Variants in PTPRG observed in about 807,000 individuals in gnomAD.
PTPRG encodes the protein protein tyrosine phosphatase receptor type G.
A neutral mutation model predicts 165.3 loss-of-function variants in PTPRG; 102 were observed. That is an observed-to-expected ratio of 0.62 (90% confidence interval 0.53 to 0.73). PTPRG has a LOEUF of 0.73. PTPRG is among the 30% of genes least tolerant of loss of function. The pLI is 0.00. For synonymous variants in PTPRG, 675 were observed against 669.5 expected (o/e 1.01, Z -0.13); for missense variants, 1,866 against 1,861.4 (o/e 1.00, Z -0.05).
intron 2 of PTPRG, among the ~76,000 whole-genome samples, chr3:61,874,689 T>A (rs2037676285): frequency 6.6e-6 from 1 of 152,168 alleles, no homozygotes; most frequent in Admixed American, 6.5e-5. Flanking sequence ...GGGAGTGTGC[T>A]GTTAACATTT....
At position 61,949,488 on chromosome 3, in the gene PTPRG, C is replaced by T. The variant is rs115746503; in HGVS notation, c.191-40137C>T. On this transcript the variant is annotated intron_variant, in intron 2 of 29. Transcript: ENST00000474889. ...ACAATTGAAGTGAGGCTTTGGGTAG[C>T]GTTTACTATGTGCCACATGCCTCAA... Among the ~76,000 whole-genome samples, 977 of 152,208 alleles carry T rather than the reference C, an allele frequency of 6.4e-3. 9 individuals are homozygous for T. Among genetic ancestry groups the T allele is most frequent in the African/African-American group, 0.022 (923 of 41,544 alleles).
chr3:61,653,890 G>C (rs539414464), intron 1 of PTPRG, among the ~76,000 whole-genome samples: 2 of 19,408 alleles, frequency 1.0e-4, no homozygotes, highest in African/African-American at 3.1e-4. Flanking sequence ...GTTGTTAAGC[G>C]GGGAGCGGTG....
At chr3:62,260,640 A>C (rs1477280023) in intron 16 of PTPRG, among the ~76,000 whole-genome samples, 2 of 152,190 alleles carry the variant, frequency 1.3e-5, no homozygotes, top group Non-Finnish European at 2.9e-5. Context: ...TGAATAGGTA[A>C]ATTTACAATG....
intron 2 of PTPRG, among the ~76,000 whole-genome samples, chr3:61,936,708 G>A (rs1448164281): frequency 3.3e-5 from 5 of 152,192 alleles, no homozygotes; most frequent in Non-Finnish European, 5.9e-5. Flanking sequence ...TCCTAACACT[G>A]TGAGGGCTTT....
chr3:62,031,870 T>A, intron 4 of PTPRG, among the ~76,000 whole-genome samples: 1 of 152,208 alleles, frequency 6.6e-6, no homozygotes, highest in East Asian at 1.9e-4. Context: ...CAGTGAGCTC[T>A]GTGGAAGTGG....
chr3:61,738,284 A>ATGTGTG (rs1559583185), intron 1 of PTPRG, among the ~76,000 whole-genome samples: 5 of 78,162 alleles, frequency 6.4e-5, no homozygotes, highest in African/African-American at 2.8e-4. Context: ...ATATACATAT[A>ATGTGTG]TATATATATA....
chr3:61,908,121 TAAAAAAAAA>T (rs1183592777), intron 2 of PTPRG, among the ~76,000 whole-genome samples: 17 of 67,186 alleles, frequency 2.5e-4, no homozygotes, highest in Admixed American at 1.1e-3. Context: ...CACCTCTCTT[TAAAAAAAAA>T]AAAAAAAAAA....
At chr3:61,971,309 A>G (rs951452149) in intron 2 of PTPRG, among the ~76,000 whole-genome samples, 1 of 151,916 alleles carries the variant, frequency 6.6e-6, no homozygotes, top group Non-Finnish European at 1.5e-5. Context: ...GCTTATCATC[A>G]TGGAAGTACT....
chr3:62,191,767 T>C, intron 9 of PTPRG, 114 bp downstream of exon 9: 1 of 1,095,684 alleles, frequency 9.1e-7, no homozygotes, highest in East Asian at 2.5e-5. Flanking sequence ...CCTCACACTG[T>C]CTGGTGAACA....
intron 2 of PTPRG, among the ~76,000 whole-genome samples, chr3:61,787,053 T>C (rs17627732): frequency 0.16 from 24,754 of 152,102 alleles, 2,086 homozygotes; most frequent in Non-Finnish European, 0.19. Flanking sequence ...CCTCATAACG[T>C]AGGCTAAAAG....
At chr3:61,679,192 T>C (rs933369718) in intron 1 of PTPRG, among the ~76,000 whole-genome samples, 1 of 152,230 alleles carries the variant, frequency 6.6e-6, no homozygotes, top group Admixed American at 6.5e-5. Flanking sequence ...TTTGATTATA[T>C]GACTCCAAAG....
At chr3:61,787,279 T>G (rs1406605958) in intron 2 of PTPRG, among the ~76,000 whole-genome samples, 1 of 152,216 alleles carries the variant, frequency 6.6e-6, no homozygotes, top group Non-Finnish European at 1.5e-5. Flanking sequence ...CTGTAAATGA[T>G]TAAGGATAAT....
At chr3:62,012,457 A>G (rs1419429618) in intron 4 of PTPRG, among the ~76,000 whole-genome samples, 1 of 152,184 alleles carries the variant, frequency 6.6e-6, no homozygotes, top group Non-Finnish European at 1.5e-5. Flanking sequence ...GGGACCAGAA[A>G]TGTTTAATTT....
At chr3:61,912,505 T>A (rs2038826923) in intron 2 of PTPRG, among the ~76,000 whole-genome samples, 1 of 152,212 alleles carries the variant, frequency 6.6e-6, no homozygotes, top group South Asian at 2.1e-4. Flanking sequence ...CCCTTTAATG[T>A]TAAAAAGAGG....
At chr3:61,775,920 G>T (rs1368629562) in intron 2 of PTPRG, among the ~76,000 whole-genome samples, 4 of 140,746 alleles carry the variant, frequency 2.8e-5, no homozygotes, top group Non-Finnish European at 6.1e-5. Flanking sequence ...TACACCGGGG[G>T]CTGTTGTGGG....
At chr3:61,808,377 G>GT (rs1318466929) in intron 2 of PTPRG, among the ~76,000 whole-genome samples, 1 of 152,064 alleles carries the variant, frequency 6.6e-6, no homozygotes, top group African/African-American at 2.4e-5. Flanking sequence ...GGTGAACTTT[G>GT]TACGTGGCAC....
At chr3:61,947,406 C>A (rs184546803) in intron 2 of PTPRG, among the ~76,000 whole-genome samples, 2 of 152,140 alleles carry the variant, frequency 1.3e-5, no homozygotes, top group East Asian at 3.9e-4. Flanking sequence ...TGGTTCTGAC[C>A]GGTGCCAGGG....
At chr3:62,042,549 C>T (rs925699112) in intron 4 of PTPRG, among the ~76,000 whole-genome samples, 3 of 151,984 alleles carry the variant, frequency 2.0e-5, no homozygotes, top group Admixed American at 6.6e-5. Flanking sequence ...AATTTTCTTC[C>T]TCCCGCACCG....
intron 2 of PTPRG, among the ~76,000 whole-genome samples, chr3:61,973,156 T>A (rs1011835901): frequency 6.6e-6 from 1 of 152,216 alleles, no homozygotes; most frequent in African/African-American, 2.4e-5. Context: ...GCATGCTTCA[T>A]CCTTTGTCCA....
Sources: allele counts gnomAD v4.1 joint callset (sites outside exome capture counted in the v4.1 genomes callset), GRCh38; gene constraint gnomAD v4.1.1; transcripts MANE v1.5; gene names NCBI Gene and HGNC (gene_info 2026-07-23, HGNC 2026-07-21).